Variants in RTTN observed in about 807,000 individuals in gnomAD.
RTTN encodes rotatin.
A neutral mutation model predicts 269.2 loss-of-function variants in RTTN; 182 were observed. The observed-to-expected ratio is 0.68, with a 90% CI of 0.60 to 0.76. The LOEUF is 0.76. Ranked by LOEUF, RTTN falls within the 30% of genes least tolerant of loss-of-function variation. RTTN has a pLI of 0.00. For missense variants in RTTN, 2,545 were observed against 2,608.6 expected, an observed-to-expected ratio of 0.98 and a Z score of 0.53; for synonymous variants, 1,006 against 963.5, an observed-to-expected ratio of 1.04 and a Z score of -0.82.
chr18:70,096,717 A>T (rs137990569), intron 28 of RTTN, among the ~76,000 whole-genome samples: 1 of 152,078 alleles, frequency 6.6e-6, no homozygotes, highest in Non-Finnish European at 1.5e-5. Context: ...GCTCTCCTAT[A>T]TGAGGTGTCT....
intron 45 of RTTN, among the ~76,000 whole-genome samples, chr18:70,018,282 A>G (rs1315610706): frequency 2.6e-5 from 4 of 152,150 alleles, no homozygotes; most frequent in African/African-American, 9.7e-5. Flanking sequence ...AGTCTTTTCA[A>G]CCTCCAAATA....
At chr18:70,163,189 C>G (rs1416526054) in intron 14 of RTTN, among the ~76,000 whole-genome samples, 1 of 150,612 alleles carries the variant, frequency 6.6e-6, no homozygotes, top group Non-Finnish European at 1.5e-5. Context: ...CGAGACCATC[C>G]TGGCCAACAT....
intron 28 of RTTN, among the ~76,000 whole-genome samples, 196 bp from the exon 29 acceptor site, chr18:70,093,000 T>C (rs1213317561): frequency 2.0e-5 from 3 of 152,078 alleles, no homozygotes; most frequent in Non-Finnish European, 2.9e-5. Context: ...TAAAAGAAAA[T>C]ATTCTTCAGC....
intron 24 of RTTN, 51 bp downstream of exon 24, chr18:70,128,306 TA>T (rs1185052533): frequency 6.9e-7 from 1 of 1,457,926 alleles, no homozygotes; most frequent in Admixed American, 1.9e-5. Context: ...CTTAACTAAT[TA>T]ATTACAATTA....
chr18:70,059,961 G>A lies in RTTN; in HGVS notation c.4829C>T (p.Thr1610Ile). ...APLPKLCVFV[T>I]PSLLSAMCSL... Reference sequence around the variant, plus strand: ...GCACATTGCTGAAAGAAGAGATGGAGTAACAAAAACACACAGTTTGGGCAG... The same window carrying A: ...GCACATTGCTGAAAGAAGAGATGGAATAACAAAAACACACAGTTTGGGCAG... The change falls in exon 36 of 49, where the codon ACT becomes ATT. Residue 1610 changes from threonine (T) to isoleucine (I), a missense_variant. Thr to Ile is a moderately conservative substitution (Grantham distance 89, BLOSUM62 -1). Transcript: ENST00000640769. 1 of 1,614,012 alleles carries A rather than the reference G, an allele frequency of 6.2e-7. No homozygotes were observed. The highest frequency in any genetic ancestry group is 8.5e-7 in the Non-Finnish European group (1 of 1,179,918).
At chr18:70,093,082 G>T (rs1450239807) in intron 28 of RTTN, among the ~76,000 whole-genome samples, 2 of 152,186 alleles carry the variant, frequency 1.3e-5, no homozygotes, top group Non-Finnish European at 2.9e-5. Context: ...GTGGACACCT[G>T]TAGTCCCAGC....
intron 35 of RTTN, among the ~76,000 whole-genome samples, chr18:70,061,614 A>G (rs1460821186): frequency 6.6e-6 from 1 of 152,186 alleles, no homozygotes; most frequent in Non-Finnish European, 1.5e-5. Context: ...GGGTAGGAGG[A>G]TCACTTTAGG....
In RTTN at chr18:70,128,404, TC is replaced by T; in HGVS notation, c.3096del (p.Ser1033ValfsTer5). 6.2e-7 allele frequency: 1 copy of T among 1,613,112 alleles called. No individual in the cohort carries two copies. Among genetic ancestry groups the T allele is most frequent in the Non-Finnish European group, 8.5e-7 (1 of 1,179,416 alleles). ...TTCATTTGCTTCAACAGATTATCAC[TC>T]CCATGATACCATGACAGGTTCCAAG... The part of the protein sequence containing the change: ...RIAWNLSWYH[G>X]SDNLLKQMNS... On this transcript the variant is annotated frameshift_variant, in exon 24 of 49. Coordinates refer to ENST00000640769, the MANE Select transcript of RTTN (RefSeq NM_173630.4). LOFTEE classifies it high-confidence loss of function.
At chr18:70,139,903 T>C (rs2060214104) in intron 20 of RTTN, 187 bp from the exon 21 acceptor site, 1 of 619,750 alleles carries the variant, frequency 1.6e-6, no homozygotes, top group Non-Finnish European at 2.8e-6. Flanking sequence ...CTATCACCTA[T>C]CTTATGGAAA....
At chr18:70,012,966 A>T (rs1483122409) in intron 46 of RTTN, among the ~76,000 whole-genome samples, 2 of 152,232 alleles carry the variant, frequency 1.3e-5, no homozygotes, top group Non-Finnish European at 2.9e-5. Flanking sequence ...AACAAAACAA[A>T]AAAAGCTGCT....
chr18:70,054,689 C>T (rs146185450), intron 37 of RTTN, among the ~76,000 whole-genome samples: 1,881 of 152,040 alleles, frequency 0.012, 23 homozygotes, highest in South Asian at 0.038. Context: ...AAAAATTAGC[C>T]GGGCCTGCAG....
intron 1 of RTTN, 111 bp downstream of exon 1, chr18:70,205,517 G>C: frequency 6.8e-7 from 1 of 1,463,534 alleles, no homozygotes; most frequent in Non-Finnish European, 9.6e-7. Context: ...AAGCGGGGGT[G>C]AAAGAGGGAG....
chr18:70,014,548 C>A (rs1184989902), intron 46 of RTTN, among the ~76,000 whole-genome samples: 1 of 152,194 alleles, frequency 6.6e-6, no homozygotes, highest in Non-Finnish European at 1.5e-5. Flanking sequence ...ATCACCAAGG[C>A]AGTTTGCTTT....
At chr18:70,138,471 T>G (rs2060178187) in intron 21 of RTTN, 2 of 152,150 alleles carry the variant, frequency 1.3e-5, no homozygotes, top group African/African-American at 4.8e-5. Flanking sequence ...GTGTTCATAA[T>G]AAGTTCCATG....
chr18:70,204,162 G>A lies in RTTN; in HGVS notation c.321C>T (p.Gly107=). 6.2e-7 allele frequency: 1 copy of A among 1,614,024 alleles called. No homozygotes were observed. The highest frequency in any genetic ancestry group is 8.5e-7 in the Non-Finnish European group (1 of 1,179,926). Residue 107 remains glycine, a synonymous_variant, in exon 3 of 49, where the codon GGC becomes GGT. Coordinates refer to ENST00000640769, the MANE Select transcript of RTTN (RefSeq NM_173630.4). The part of the protein sequence containing the change: ...VEPNLQAEID[G]ILDGLFLLPS... ...GAAGAAGAAAAAGTCCATCCAGAAT[G>A]CCATCAATTTCAGCCTGCAGATTTG...
chr18:70,105,058 T>C (rs2059285310), intron 28 of RTTN, among the ~76,000 whole-genome samples: 1 of 151,798 alleles, frequency 6.6e-6, no homozygotes, highest in African/African-American at 2.4e-5. Flanking sequence ...TACAGAGGTT[T>C]CTGCTGCCTT....
intron 31 of RTTN, 111 bp downstream of exon 31, chr18:70,087,878 A>G: frequency 9.0e-7 from 1 of 1,108,470 alleles, no homozygotes; most frequent in Non-Finnish European, 1.3e-6. Context: ...TCACAGACAG[A>G]AGAGATCATG....
intron 32 of RTTN, among the ~76,000 whole-genome samples, chr18:70,081,043 G>C (rs1417065700): frequency 6.6e-6 from 1 of 152,068 alleles, no homozygotes; most frequent in East Asian, 1.9e-4. Flanking sequence ...TGAGATTGGA[G>C]ACTATTATTC....
intron 40 of RTTN, among the ~76,000 whole-genome samples, chr18:70,034,040 A>C (rs1253255701): frequency 6.6e-6 from 1 of 152,192 alleles, no homozygotes; most frequent in Non-Finnish European, 1.5e-5. Flanking sequence ...ACCAACAATG[A>C]GCTCTAAAAT....
Sources: gnomAD v4.1 joint callset for allele counts (sites outside exome capture counted in the v4.1 genomes callset) on GRCh38, gnomAD v4.1.1 for gene constraint, MANE v1.5 for transcripts, NCBI Gene and HGNC (gene_info 2026-07-23, HGNC 2026-07-21) for gene names.